The following BNIP3L variants were observed in gnomAD, a reference collection of about 807,000 sequenced individuals.
BNIP3L encodes BCL2/adenovirus E1B 19 kDa protein-interacting protein 3-like.
A neutral mutation model predicts 25.5 loss-of-function variants in BNIP3L; 10 were observed. The observed-to-expected ratio is 0.39, with a 90% CI of 0.24 to 0.67. The LOEUF is 0.67. Among genes scored for constraint, BNIP3L ranks in the 30% least tolerant of loss-of-function variants. The pLI, the probability that BNIP3L is intolerant of heterozygous loss-of-function variation, is 0.45. For synonymous variants in BNIP3L, 113 were observed against 101.2 expected, an observed-to-expected ratio of 1.12 and a Z score of -0.70; for missense variants, 215 against 270.9, an observed-to-expected ratio of 0.79 and a Z score of 1.45.
rs1426453064 is a variant in BNIP3L, at chr8:26,407,919, A to T, written c.358-81A>T. On this transcript the variant is annotated intron_variant, in intron 3 of 5. Transcript: ENST00000380629. ...TGAGACACAACCTTATGAGTTTGGT[A>T]TCTTTTCTGTCTAGATTTTTCTTTG... is the stretch of plus-strand genomic sequence containing the variant. 9 of 1,240,948 alleles carry T rather than the reference A, an allele frequency of 7.3e-6. No individual in the cohort carries two copies. In the African/African-American group the frequency reaches 1.2e-4, roughly 17 times the overall value. 76.9% of individuals were successfully genotyped at this position (1,240,948 alleles called of 1,614,324 possible). A position where few individuals can be genotyped will look rare whatever the true frequency, so the allele number is the denominator to read the frequency against.
intron 1 of BNIP3L, among the ~76,000 whole-genome samples, chr8:26,383,915 C>G (rs1011202270): frequency 1.3e-5 from 2 of 149,928 alleles, no homozygotes; most frequent in Non-Finnish European, 3.0e-5. Context: ...TTTTTTAAAG[C>G]GATGGGTTGT....
intron 2 of BNIP3L, 74 bp downstream of exon 2, chr8:26,391,500 C>A: frequency 5.3e-6 from 7 of 1,312,928 alleles, no homozygotes; most frequent in Non-Finnish European, 7.0e-6. Flanking sequence ...TAGGAAAAAT[C>A]TGTTTGCTTA....
At chr8:26,396,841 C>A (rs1246594509) in intron 3 of BNIP3L, among the ~76,000 whole-genome samples, 2 of 114,404 alleles carry the variant, frequency 1.7e-5, no homozygotes, top group African/African-American at 6.7e-5. Flanking sequence ...GCCTCAGGAG[C>A]CGATGCGATC....
At chr8:26,395,145 C>A (rs1350019685) in intron 2 of BNIP3L, 85 bp from the exon 3 acceptor site, 1 of 1,435,006 alleles carries the variant, frequency 7.0e-7, no homozygotes, top group Non-Finnish European at 9.6e-7. Flanking sequence ...ACTGCTGTAA[C>A]TTTTAATTTT....
At chr8:26,383,549 G>A (rs1388931215) in intron 1 of BNIP3L, 1 of 150,156 alleles carries the variant, frequency 6.7e-6, no homozygotes, top group Non-Finnish European at 1.3e-5. Context: ...GCGGGGGCGG[G>A]CCTGGGGGGC....
At chr8:26,383,275 A>C in intron 1 of BNIP3L, 45 bp downstream of exon 1, 1 of 1,573,636 alleles carries the variant, frequency 6.4e-7, no homozygotes, top group Non-Finnish European at 8.6e-7. Flanking sequence ...GGGGAGGAGG[A>C]GCAGCCCCGG....
chr8:26,396,743 A>G (rs1330708669), intron 3 of BNIP3L, among the ~76,000 whole-genome samples: 2 of 149,808 alleles, frequency 1.3e-5, no homozygotes, highest in Non-Finnish European at 1.5e-5. Flanking sequence ...AGAAGAATGT[A>G]TAACTAGAAT....
At chr8:26,388,986 CAAAAG>C (rs965365802) in intron 1 of BNIP3L, among the ~76,000 whole-genome samples, 9 of 152,050 alleles carry the variant, frequency 5.9e-5, no homozygotes, top group African/African-American at 2.2e-4. Context: ...AAGACTGTCT[CAAAAG>C]AAAAACAAAA....
At chr8:26,410,239 C>T (rs1489257292) in intron 5 of BNIP3L, 125 bp from the exon 6 acceptor site, 26 of 990,588 alleles carry the variant, frequency 2.6e-5, no homozygotes, top group Non-Finnish European at 3.8e-5. Flanking sequence ...GTTTGGGGAG[C>T]GGTACCCACA....
intron 3 of BNIP3L, among the ~76,000 whole-genome samples, chr8:26,406,037 C>T (rs746458266): frequency 1.3e-5 from 2 of 152,052 alleles, no homozygotes; most frequent in East Asian, 3.9e-4. Context: ...AGCGAGACTC[C>T]GTCTCAAAAA....
chr8:26,410,433 AAATGCGTGTGACCTGTG>A lies in BNIP3L; in HGVS notation c.*24_*40del. On this transcript the variant is annotated 3_prime_UTR_variant, in exon 6 of 6. Coordinates refer to ENST00000380629, the MANE Select transcript of BNIP3L (RefSeq NM_004331.3). Reference sequence around the variant, plus strand: ...ACTGAGGGAAAGGAAAAGCCCCTGGAAATGCGTGTGACCTGTGAAGTGGTGTATTGTCACAGTAGCTT... The same window carrying A: ...ACTGAGGGAAAGGAAAAGCCCCTGGAAAGTGGTGTATTGTCACAGTAGCTT... 2 of 1,613,984 alleles carry A rather than the reference AAATGCGTGTGACCTGTG, an allele frequency of 1.2e-6. No individual in the cohort carries two copies. Among genetic ancestry groups the A allele is most frequent in the Non-Finnish European group, 1.7e-6 (2 of 1,179,866 alleles).
At chr8:26,384,985 TG>T (rs1436925210) in intron 1 of BNIP3L, among the ~76,000 whole-genome samples, 13 of 152,176 alleles carry the variant, frequency 8.5e-5, no homozygotes, top group African/African-American at 2.2e-4. Context: ...CTCACCATGT[TG>T]GCCAGGCTGG....
At position 26,407,749 on chromosome 8, in the gene BNIP3L, T is replaced by G. The variant is rs192826419; in HGVS notation, c.358-251T>G. ...CTTCCCTTAGCATTACATCCCAAAG[T>G]ACAGTCTTATGCAGTTCCTGTGCTG... is the stretch of plus-strand genomic sequence containing the variant. On this transcript the variant is annotated intron_variant, in intron 3 of 5. Coordinates refer to ENST00000380629, the MANE Select transcript of BNIP3L (RefSeq NM_004331.3). 1.1e-3 allele frequency among the ~76,000 whole-genome samples: 166 copies of G among 152,358 alleles called. 1 individual carries two copies. The highest frequency in any genetic ancestry group is 1.0e-2 in the Admixed American group (153 of 15,306).
At position 26,411,968 on chromosome 8, in the gene BNIP3L, T is replaced by A. The variant is rs1806636128; in HGVS notation, c.*1556T>A. The A allele has an allele frequency of 1.3e-5, 2 of 152,654 alleles. No individual in the cohort carries two copies. Among genetic ancestry groups the A allele is most frequent in the South Asian group, 2.1e-4 (1 of 4,836 alleles). 9.5% of individuals were successfully genotyped at this position (152,654 alleles called of 1,614,324 possible). On this transcript the variant is annotated 3_prime_UTR_variant, in exon 6 of 6. Coordinates refer to ENST00000380629, the MANE Select transcript of BNIP3L (RefSeq NM_004331.3). ...TGCAGAAACTAACTCTTTTCTCACA[T>A]CAACATTTGTAAAATTGATGTGTTA...
intron 1 of BNIP3L, among the ~76,000 whole-genome samples, chr8:26,385,528 G>T (rs974172232): frequency 6.6e-6 from 1 of 151,492 alleles, no homozygotes; most frequent in African/African-American, 2.4e-5. Context: ...GCTTGAATCC[G>T]GGAGGCAGAG....
chr8:26,392,268 G>A (rs997689523), intron 2 of BNIP3L, among the ~76,000 whole-genome samples: 2 of 151,632 alleles, frequency 1.3e-5, no homozygotes, highest in African/African-American at 4.9e-5. Flanking sequence ...TGGGGCACTG[G>A]ATGACCTTCT....
intron 2 of BNIP3L, among the ~76,000 whole-genome samples, chr8:26,393,179 C>T (rs1443469629): frequency 2.0e-5 from 3 of 151,566 alleles, no homozygotes; most frequent in East Asian, 3.9e-4. Flanking sequence ...AATTGCCATG[C>T]GTCTCTATAT....
intron 2 of BNIP3L, 83 bp downstream of exon 2, chr8:26,391,509 T>A: frequency 1.7e-6 from 2 of 1,195,978 alleles, no homozygotes; most frequent in Non-Finnish European, 2.2e-6. Flanking sequence ...TCTGTTTGCT[T>A]AAATCTTCAC....
chr8:26,388,520 T>C (rs1446058519), intron 1 of BNIP3L, among the ~76,000 whole-genome samples: 1 of 152,212 alleles, frequency 6.6e-6, no homozygotes, highest in East Asian at 1.9e-4. Context: ...CTTTCAGTTA[T>C]GATTCAGGGT....
Sources: allele counts gnomAD v4.1 joint callset (sites outside exome capture counted in the v4.1 genomes callset), GRCh38; gene constraint gnomAD v4.1.1; transcripts MANE v1.5; gene names NCBI Gene and HGNC (gene_info 2026-07-23, HGNC 2026-07-21).